Variants in AMPD3 observed in about 807,000 individuals in gnomAD.
The protein encoded by AMPD3 is adenosine monophosphate deaminase 3.
A neutral mutation model predicts 82.3 loss-of-function variants in AMPD3; 57 were observed. That is an observed-to-expected ratio of 0.69 (90% CI 0.56 to 0.86). AMPD3 has a LOEUF of 0.86. Among genes scored for constraint, AMPD3 ranks in the 40% least tolerant of loss-of-function variants. The pLI is 0.00. For synonymous variants in AMPD3, 381 were observed against 394.7 expected, an observed-to-expected ratio of 0.97 and a Z score of 0.41; for missense variants, 870 against 1,003.8, an observed-to-expected ratio of 0.87 and a Z score of 1.80.
At chr11:10,493,160 A>G (rs1001118) in intron 6 of AMPD3, among the ~76,000 whole-genome samples, 189 bp from the exon 7 acceptor site, 16,044 of 152,196 alleles carry the variant, frequency 0.11, 928 homozygotes, top group African/African-American at 0.13. Flanking sequence ...ATGCGCAGCA[A>G]GGCTGAAAGG....
At chr11:10,455,928 GTGA>G in intron 1 of AMPD3, 1 of 985,390 alleles carries the variant, frequency 1.0e-6, no homozygotes. Flanking sequence ...AGCAGCAAAG[GTGA>G]TGATATCGCT....
intron 11 of AMPD3, 64 bp downstream of exon 11, chr11:10,500,313 A>G: frequency 1.9e-6 from 3 of 1,564,150 alleles, no homozygotes; most frequent in Non-Finnish European, 2.6e-6. Context: ...GCATGCACAC[A>G]CATGCACACA....
At chr11:10,504,452 A>C in intron 13 of AMPD3, 97 bp from the exon 14 acceptor site, 1 of 1,276,404 alleles carries the variant, frequency 7.8e-7, no homozygotes, top group Non-Finnish European at 1.1e-6. Context: ...AGGAAAAGTT[A>C]AACCCGCAGT....
rs766657663 is a variant in AMPD3 at position 10,505,866 on chromosome 11, C to A, written c.2286C>A (p.Ile762=). Residue 762 remains isoleucine, a synonymous_variant, in exon 15 of 15, where the codon ATC becomes ATA. Transcript: ENST00000396553. ...CTGATGCTATGAAATCAGAAGAGAT[C>A]ACCGCCTTGACCAACTAGGTCCAGC... ...FLSDAMKSEE[I]TALTN The A allele has an allele frequency of 1.2e-5, 19 of 1,614,044 alleles. No homozygotes were observed. Among genetic ancestry groups the A allele is most frequent in the Non-Finnish European group, 1.5e-5 (18 of 1,180,052 alleles).
chr11:10,476,426 C>T (rs1848736663), intron 2 of AMPD3, among the ~76,000 whole-genome samples: 1 of 151,594 alleles, frequency 6.6e-6, no homozygotes, highest in Admixed American at 6.6e-5. Flanking sequence ...GCCTGGTAGG[C>T]TGTTGGCTTA....
chr11:10,500,795 C>T (rs894157506), intron 11 of AMPD3: 7 of 985,206 alleles, frequency 7.1e-6, no homozygotes, highest in African/African-American at 5.2e-5. Context: ...CCTACCAATA[C>T]GCACACAGAC....
chr11:10,491,264 G>C (rs1301275453), intron 6 of AMPD3, among the ~76,000 whole-genome samples: 1 of 152,176 alleles, frequency 6.6e-6, no homozygotes, highest in Non-Finnish European at 1.5e-5. Context: ...GGGGGAGTCA[G>C]TTTACCCATA....
intron 6 of AMPD3, among the ~76,000 whole-genome samples, chr11:10,487,809 G>A (rs551823288): frequency 1.9e-4 from 29 of 152,192 alleles, no homozygotes; most frequent in Middle Eastern, 3.4e-3. Context: ...GAGAACATGC[G>A]GTGTTTGGTT....
In AMPD3 at chr11:10,488,505, C is replaced by T. The variant is rs1015898236; in HGVS notation, c.939+1141C>T. 15 of 829,992 alleles carry T rather than the reference C, an allele frequency of 1.8e-5. No homozygotes were observed. The African/African-American group carries it at 2.0e-4, about 11-fold the overall frequency. 51.4% of individuals were successfully genotyped at this position (829,992 alleles called of 1,614,324 possible). On this transcript the variant is annotated intron_variant, in intron 6 of 14. Coordinates refer to ENST00000396553, the MANE Select transcript of AMPD3 (RefSeq NM_001025389.2). ...GAGTCAGAACAGTGTGTTGACATAA[C>T]TGCAAGCAGTGTGGTGTGGTTGGAG...
rs201737818 is a variant in AMPD3 at position 10,456,411 on chromosome 11, C to T, written c.-6+963C>T. 109 of 1,613,744 alleles carry T rather than the reference C, an allele frequency of 6.8e-5. No homozygotes were observed. The highest frequency in any genetic ancestry group is 1.1e-4 in the African/African-American group (8 of 75,038). On this transcript the variant is annotated intron_variant, in intron 1 of 14. Coordinates refer to ENST00000396553, the MANE Select transcript of AMPD3 (RefSeq NM_001025389.2). The surrounding 1 kb of genome is among the most constrained non-coding windows in gnomAD (Gnocchi z 4.3). ...CATGGAGCCAGGCTCAGGTCTGTGT[C>T]GGGGCTTCTGCAAGGGGAGTCTGGC...
chr11:10,451,729 G>A (rs977157074), upstream of AMPD3, among the ~76,000 whole-genome samples: 22 of 152,336 alleles, frequency 1.4e-4, no homozygotes, highest in African/African-American at 5.3e-4. Context: ...GTGAAAGCAG[G>A]CAGCACAAGG....
At position 10,506,189 on chromosome 11, in the gene AMPD3, A is replaced by AT. The variant is rs1462529178; in HGVS notation, c.*309dup. The AT allele has an allele frequency of 2.5e-6, 1 of 401,064 alleles. No homozygotes were observed. Among genetic ancestry groups the AT allele is most frequent in the East Asian group, 5.5e-5 (1 of 18,178 alleles). The allele number at this position is 401,064 out of a possible 1,614,324, so 24.8% of individuals were successfully genotyped here. ...CAGTGCCTGAACTGTTGGGGCCAGG[A>AT]TTTTCCCTGGTCAGATGCCAAGTAA... is the stretch of plus-strand genomic sequence containing the variant. On this transcript the variant is annotated 3_prime_UTR_variant, in exon 15 of 15. Coordinates refer to ENST00000396553, the MANE Select transcript of AMPD3 (RefSeq NM_001025389.2). The surrounding 1 kb of genome is among the most constrained non-coding windows in gnomAD (Gnocchi z 4.1).
rs370668539 is a variant in AMPD3 at position 10,502,126 on chromosome 11, G to A, written c.1842+536G>A. 9.6e-5 allele frequency: 95 copies of A among 985,364 alleles called. 2 individuals are homozygous for A. The South Asian group carries it at 3.2e-3, about 34-fold the overall frequency. 61.0% of individuals were successfully genotyped at this position (985,364 alleles called of 1,614,324 possible). ...GAGCTCTGTGCATACAGTCTTCTCC[G>A]TATTTTGGATCACTTTCCATTGGCA... On this transcript the variant is annotated intron_variant, in intron 12 of 14. Transcript: ENST00000396553.
Position 10,502,854 on chromosome 11 carries a change from C to G in AMPD3, c.1976C>G (p.Ser659Cys), listed in dbSNP as rs1156983748. The G allele has an allele frequency of 6.2e-7, 1 of 1,614,106 alleles. No homozygotes were observed. The highest frequency in any genetic ancestry group is 8.5e-7 in the Non-Finnish European group (1 of 1,180,052). ...TTCCTACACAAGGGACTGCATGTTTCTCTTTCCACCGATGACCCCATGCAG... is the reference window on the plus strand; with the variant it reads ...TTCCTACACAAGGGACTGCATGTTTGTCTTTCCACCGATGACCCCATGCAG... ...REFLHKGLHVSLSTDDPMQFH... is the reference protein window; with the variant it reads ...REFLHKGLHVCLSTDDPMQFH... Residue 659 changes from serine to cysteine, a missense_variant, in exon 13 of 15, where the codon TCT (serine) becomes TGT (cysteine). Transcript: ENST00000396553.
At chr11:10,472,778 T>C (rs958420074) in intron 2 of AMPD3, among the ~76,000 whole-genome samples, 3 of 151,654 alleles carry the variant, frequency 2.0e-5, no homozygotes, top group Non-Finnish European at 4.4e-5. Flanking sequence ...CTGAGGCGGG[T>C]GGATCACCTG....
Position 10,487,376 on chromosome 11 carries a change from G to A in AMPD3, c.939+12G>A. The A allele has an allele frequency of 2.5e-6, 4 of 1,613,868 alleles. No individual in the cohort carries two copies. In the South Asian group the frequency reaches 3.3e-5, roughly 13 times the overall value. ...ATAACGTGAGAAAGGTGCGTTAGGGGCGAGTGTTCACAGCTGCCTCACCCG... is the reference window on the plus strand; with the variant it reads ...ATAACGTGAGAAAGGTGCGTTAGGGACGAGTGTTCACAGCTGCCTCACCCG... On this transcript the variant is annotated intron_variant, in intron 6 of 14. Transcript: ENST00000396553.
intron 1 of AMPD3, among the ~76,000 whole-genome samples, chr11:10,460,117 A>C (rs1027043415): frequency 1.4e-4 from 21 of 147,850 alleles, no homozygotes; most frequent in Non-Finnish European, 2.4e-4. Flanking sequence ...TTTAAAATTG[A>C]GACGAGGTCT....
At chr11:10,505,045 G>A in intron 14 of AMPD3, 1 of 873,826 alleles carries the variant, frequency 1.1e-6, no homozygotes, top group East Asian at 1.2e-4. Flanking sequence ...ATATCCCCGG[G>A]CCCTAGATAG....
chr11:10,485,973 C>T (rs1849056439), intron 5 of AMPD3, among the ~76,000 whole-genome samples: 1 of 151,116 alleles, frequency 6.6e-6, no homozygotes, highest in South Asian at 2.2e-4. Context: ...GACCTTCTCT[C>T]TTGTTTTCTG....
Sources: allele counts gnomAD v4.1 joint callset (sites outside exome capture counted in the v4.1 genomes callset), GRCh38; gene constraint gnomAD v4.1.1; non-coding constraint Gnocchi (gnomAD v3.1); transcripts MANE v1.5; gene names NCBI Gene and HGNC (gene_info 2026-07-23, HGNC 2026-07-21).